Variants in PCNX1 observed in about 807,000 individuals in gnomAD.
The protein encoded by PCNX1 is pecanex 1.
In PCNX1, 78 loss-of-function variants were observed where a neutral mutation model predicts 242.2. The ratio of observed to expected loss-of-function variants is 0.32; its 90% CI spans 0.27 to 0.39. PCNX1 has a LOEUF of 0.39. Among genes scored for constraint, PCNX1 ranks in the 10% least tolerant of loss-of-function variants. The pLI, the probability that PCNX1 is intolerant of heterozygous loss-of-function variation, is 1.00. For missense variants in PCNX1, 2,581 were observed against 2,856.5 expected (o/e 0.90, Z 2.20); for synonymous variants, 1,024 against 1,032.9 (o/e 0.99, Z 0.17).
At chr14:70,988,542 T>C in intron 6 of PCNX1, 25 bp from the exon 7 acceptor site, 3 of 1,608,524 alleles carry the variant, frequency 1.9e-6, no homozygotes, top group African/African-American at 2.7e-5. Flanking sequence ...AGGCTCTTGT[T>C]TGACCTAAGT....
chr14:71,013,324 C>T (rs372910633), intron 11 of PCNX1, 122 bp downstream of exon 11: 17 of 808,976 alleles, frequency 2.1e-5, no homozygotes, highest in Non-Finnish European at 2.2e-6. Context: ...TGGTTTTGTC[C>T]TCTGGATATA....
intron 1 of PCNX1, among the ~76,000 whole-genome samples, chr14:70,932,481 A>G (rs1363418088): frequency 2.6e-5 from 4 of 151,988 alleles, no homozygotes; most frequent in African/African-American, 9.7e-5. Flanking sequence ...GTTTGTATCT[A>G]TTTTTAAATT....
chr14:70,975,381 A>G (rs922451235), intron 5 of PCNX1, among the ~76,000 whole-genome samples: 37 of 152,198 alleles, frequency 2.4e-4, no homozygotes, highest in Admixed American at 2.4e-3. Context: ...ATGTAAAATA[A>G]AGTGTAATTG....
Position 71,033,507 on chromosome 14 carries a change from A to G in PCNX1, c.3637A>G (p.Ser1213Gly). 3 of 1,598,324 alleles carry G rather than the reference A, an allele frequency of 1.9e-6. No homozygotes were observed. Among genetic ancestry groups the G allele is most frequent in the Non-Finnish European group, 2.6e-6 (3 of 1,165,806 alleles). ...ATTAGTGGCAGTGTCTTACCATCTC[A>G]GCCGACAAAGCAGTGATCCATCTGT... ...GLLVAVSYHL[S>G]RQSSDPSVLF... Residue 1213 changes from serine (S) to glycine (G), a missense_variant, in exon 17 of 36, where the codon AGC becomes GGC. By Grantham distance (56) the Ser-to-Gly change is moderately conservative (BLOSUM62 0). Coordinates refer to ENST00000304743, the MANE Select transcript of PCNX1 (RefSeq NM_014982.3).
At position 70,971,230 on chromosome 14, in the gene PCNX1, C is replaced by T. The variant is rs1275200625; in HGVS notation, c.604+2120C>T. 5.9e-4 allele frequency among the ~76,000 whole-genome samples: 15 copies of T among 25,244 alleles called. 5 individuals carry two copies. The highest frequency in any genetic ancestry group is 3.5e-4 in the Admixed American group (1 of 2,868). The allele number at this position is 25,244 out of a possible 152,430, so 16.6% of individuals were successfully genotyped here. The stretch of plus-strand genomic sequence containing the variant: ...CGCAATCTCGACTCACTGCAAGCTC[C>T]GCTTCCCGGGTTCACGCCATTCTCC... On this transcript the variant is annotated intron_variant, in intron 5 of 35. Transcript: ENST00000304743.
In PCNX1 at chr14:71,057,549, T is replaced by C; in HGVS notation, c.4677T>C (p.His1559=). The change falls in exon 26 of 36, where the codon CAT becomes CAC. Residue 1559 remains histidine (H), a synonymous_variant. Transcript: ENST00000304743. ...ATCTGAATTCCATCTTTTATGAGCA[T>C]TTAACTAGATCCCTACAGCACAGCC... is the stretch of plus-strand genomic sequence containing the variant. ...DNNLNSIFYE[H]LTRSLQHSLC... 6.2e-7 allele frequency: 1 copy of C among 1,613,736 alleles called. No homozygotes were observed. Among genetic ancestry groups the C allele is most frequent in the South Asian group, 1.1e-5 (1 of 91,076 alleles).
At position 71,089,149 on chromosome 14, in the gene PCNX1, A is replaced by G. The variant is rs1199417224; in HGVS notation, c.5439-43A>G. 4 of 1,475,492 alleles carry G rather than the reference A, an allele frequency of 2.7e-6. No individual in the cohort carries two copies. The African/African-American group carries it at 5.6e-5, about 21-fold the overall frequency. The allele number at this position is 1,475,492 out of a possible 1,614,324, so 91.4% of individuals were successfully genotyped here. On this transcript the variant is annotated intron_variant, in intron 29 of 35. Transcript: ENST00000304743. ...GATGTAAGAATCAGTGTCATGGAAG[A>G]CCTTTGTCAAAACATGTGAACTTTT...
At chr14:70,939,189 G>C (rs1044498367) in intron 1 of PCNX1, among the ~76,000 whole-genome samples, 88 of 152,116 alleles carry the variant, frequency 5.8e-4, no homozygotes, top group Middle Eastern at 6.8e-3. Context: ...GAATGTGTTT[G>C]CTCTTGCTTC....
At position 71,026,784 on chromosome 14, in the gene PCNX1, G is replaced by A. The variant is rs745716823; in HGVS notation, c.3368G>A (p.Cys1123Tyr). 1.4e-6 allele frequency: 2 copies of A among 1,471,836 alleles called. No individual in the cohort carries two copies. The highest frequency in any genetic ancestry group is 3.4e-5 in the Admixed American group (2 of 59,548). The allele number at this position is 1,471,836 out of a possible 1,614,324, so 91.2% of individuals were successfully genotyped here. The change falls in exon 15 of 36, where the codon TGT (cysteine) becomes TAT (tyrosine). Residue 1123 changes from cysteine (C) to tyrosine (Y), a missense_variant. By Grantham distance (194) the Cys-to-Tyr change is radical. Coordinates refer to ENST00000304743, the MANE Select transcript of PCNX1 (RefSeq NM_014982.3). Reference protein sequence around the residue: ...ARDLVIVFTLCFPIVFFIGLL... With the variant: ...ARDLVIVFTLYFPIVFFIGLL... ...TTTCTTTTTATAGTGTTTACACTCT[G>A]TTTCCCAATAGTGTTTTTCATTGGT...
rs1160282071 is a variant in PCNX1, at chr14:71,105,263, A to C, written c.6124A>C (p.Asn2042His). Residue 2042 changes from asparagine to histidine, a missense_variant, in exon 33 of 36, where the codon AAC becomes CAC. Physicochemically the swap from Asn to His is moderately conservative, Grantham distance 68. This residue lies in a region of PCNX1 where 432 missense variants were observed against 433.6 expected (regional missense o/e 1.00). Transcript: ENST00000304743. ...RLRKGCGAGC[N>H]SGGNIEDSDT... is the part of the protein sequence containing the mutation. ...TAGGAAAGGTTGCGGAGCTGGATGT[A>C]ACAGTGGTGGCAATATTGAAGATTC... is the stretch of plus-strand genomic sequence containing the variant. The C allele has an allele frequency of 3.1e-6, 5 of 1,613,946 alleles. No individual in the cohort carries two copies. The highest frequency in any genetic ancestry group is 2.7e-5 in the African/African-American group (2 of 74,924).
chr14:70,916,223 G>A (rs983867094), intron 1 of PCNX1, among the ~76,000 whole-genome samples: 4 of 152,190 alleles, frequency 2.6e-5, no homozygotes, highest in African/African-American at 9.7e-5. Flanking sequence ...TGGAGAACAT[G>A]AATTCAGAGT....
intron 25 of PCNX1, among the ~76,000 whole-genome samples, chr14:71,056,092 T>C (rs750564050): frequency 6.6e-6 from 1 of 152,210 alleles, no homozygotes; most frequent in Non-Finnish European, 1.5e-5. Flanking sequence ...TTGGGAAACA[T>C]CATTTTATTG....
intron 21 of PCNX1, 79 bp downstream of exon 21, chr14:71,047,184 T>A: frequency 1.2e-6 from 1 of 865,164 alleles, no homozygotes; most frequent in Non-Finnish European, 1.7e-6. Flanking sequence ...GATCAAATAT[T>A]AAATAATTGT....
rs1466832432 is a variant in PCNX1, at chr14:71,109,033, T to C, written c.6731T>C (p.Ile2244Thr). The change falls in exon 34 of 36, where the codon ATT becomes ACT. Residue 2244 changes from isoleucine to threonine, a missense_variant. Physicochemically the swap from Ile to Thr is moderately conservative, Grantham distance 89. Coordinates refer to ENST00000304743, the MANE Select transcript of PCNX1 (RefSeq NM_014982.3). ...NNSHSRKAEV[I>T]YRVQIVDPSQ... ...TCACACTCCAGAAAGGCAGAAGTGATTTACAGAGTCCAAGTAAGTAAGCCC... is the reference window on the plus strand; with the variant it reads ...TCACACTCCAGAAAGGCAGAAGTGACTTACAGAGTCCAAGTAAGTAAGCCC... 1.2e-6 allele frequency: 2 copies of C among 1,611,286 alleles called. No homozygotes were observed. Among genetic ancestry groups the C allele is most frequent in the Non-Finnish European group, 8.5e-7 (1 of 1,178,328 alleles).
chr14:71,060,201 A>C (rs183471076), intron 26 of PCNX1, among the ~76,000 whole-genome samples: 1 of 152,318 alleles, frequency 6.6e-6, no homozygotes, highest in African/African-American at 2.4e-5. Context: ...CTGTCCTATC[A>C]CAAAGCATTA....
chr14:71,103,257 G>A (rs1019815173), intron 31 of PCNX1, 138 bp from the exon 32 acceptor site: 1 of 919,784 alleles, frequency 1.1e-6, no homozygotes, highest in Non-Finnish European at 1.7e-6. Context: ...ATTTAAATGT[G>A]ACCTACTTAT....
intron 2 of PCNX1, among the ~76,000 whole-genome samples, chr14:70,956,211 G>A (rs1456240252): frequency 6.6e-6 from 1 of 152,130 alleles, no homozygotes; most frequent in African/African-American, 2.4e-5. Context: ...CCTGGAAAGA[G>A]ACTAGTGCCT....
At chr14:70,930,247 G>A (rs1277843568) in intron 1 of PCNX1, among the ~76,000 whole-genome samples, 1 of 152,122 alleles carries the variant, frequency 6.6e-6, no homozygotes, top group Admixed American at 6.5e-5. Context: ...TTGGGCTCAA[G>A]CAGTCCTACC....
intron 1 of PCNX1, among the ~76,000 whole-genome samples, chr14:70,920,831 G>A (rs1373612335): frequency 6.6e-6 from 1 of 152,196 alleles, no homozygotes; most frequent in Non-Finnish European, 1.5e-5. Flanking sequence ...TTCCTAGAAT[G>A]CTTTATGCAG....
Sources: gnomAD v4.1 joint callset for allele counts (sites outside exome capture counted in the v4.1 genomes callset) on GRCh38, gnomAD v4.1.1 for gene constraint, gnomAD v4.1.1 regional missense constraint, MANE v1.5 for transcripts, NCBI Gene and HGNC (gene_info 2026-07-23, HGNC 2026-07-21) for gene names.